Variants in TCEA1 observed in about 807,000 individuals in gnomAD.
The protein encoded by TCEA1 is transcription elongation factor A protein 1.
A neutral mutation model predicts 43.8 loss-of-function variants in TCEA1; 21 were observed. The observed-to-expected ratio is 0.48, with a 90% CI of 0.34 to 0.69. TCEA1 has a LOEUF of 0.69. TCEA1 is among the 30% of genes least tolerant of loss of function. The pLI is 0.01. For synonymous variants in TCEA1, 104 were observed against 117.5 expected (o/e 0.88, Z 0.75); for missense variants, 250 against 365.1 (o/e 0.68, Z 2.57).
At chr8:53,970,336 G>C (rs933835091) in intron 9 of TCEA1, 56 bp downstream of exon 9, 4 of 1,211,184 alleles carry the variant, frequency 3.3e-6, no homozygotes, top group East Asian at 4.7e-5. Flanking sequence ...GAAAAGACCA[G>C]AAGAAATCTT....
In TCEA1 at chr8:53,984,440, C is replaced by T. The variant is rs1306991920; in HGVS notation, c.601G>A (p.Ala201Thr). Residue 201 changes from alanine to threonine, a missense_variant, in exon 7 of 10, where the codon GCA (alanine) becomes ACA (threonine). By Grantham distance (58) the Ala-to-Thr change is moderately conservative. Coordinates refer to ENST00000521604, the MANE Select transcript of TCEA1 (RefSeq NM_006756.4). ...VRSRISNLKD[A>T]KNPNLRKNVL... ...TTTTTCCTTAAATTTGGATTTTTTG[C>T]ATCTTTAAGATTTGATATCCTACTT... The T allele has an allele frequency of 4.4e-6, 7 of 1,602,284 alleles. No individual in the cohort carries two copies. Among genetic ancestry groups the T allele is most frequent in the African/African-American group, 4.0e-5 (3 of 74,528 alleles).
At chr8:53,986,845 T>C (rs573658377) in intron 6 of TCEA1, 124 bp downstream of exon 6, 7 of 678,916 alleles carry the variant, frequency 1.0e-5, no homozygotes, top group South Asian at 4.0e-5. Context: ...CTCTGTAAAA[T>C]GGGATGAGAG....
intron 2 of TCEA1, among the ~76,000 whole-genome samples, chr8:54,001,926 G>A (rs1462749239): frequency 4.0e-5 from 6 of 151,442 alleles, no homozygotes; most frequent in African/African-American, 7.3e-5. Context: ...GGCGGCTCAC[G>A]AAGTCAGGAG....
chr8:54,013,476 C>A (rs1247245618), intron 1 of TCEA1, among the ~76,000 whole-genome samples: 1 of 151,912 alleles, frequency 6.6e-6, no homozygotes, highest in Non-Finnish European at 1.5e-5. Flanking sequence ...CTCAGGAGTT[C>A]GAGACCAGCC....
chr8:54,021,878 G>A (rs568736806), intron 1 of TCEA1, 185 bp downstream of exon 1: 11 of 440,818 alleles, frequency 2.5e-5, no homozygotes, highest in South Asian at 1.8e-4. Context: ...GGGTCCTAAC[G>A]CAGGTTGCCG....
chr8:54,012,387 C>T (rs1335175602), intron 1 of TCEA1, among the ~76,000 whole-genome samples: 3 of 152,124 alleles, frequency 2.0e-5, no homozygotes, highest in Non-Finnish European at 4.4e-5. Context: ...TAGTGAAACC[C>T]TGTCTCTACT....
chr8:53,982,979 T>C (rs985591508), intron 7 of TCEA1, among the ~76,000 whole-genome samples: 6 of 152,222 alleles, frequency 3.9e-5, no homozygotes, highest in African/African-American at 1.4e-4. Context: ...TCATGAATAT[T>C]TGCTCCATCA....
intron 9 of TCEA1, among the ~76,000 whole-genome samples, chr8:53,968,938 A>C (rs984827800): frequency 6.6e-6 from 1 of 152,174 alleles, no homozygotes; most frequent in African/African-American, 2.4e-5. Context: ...GTTTCAAACC[A>C]TGAAGACACT....
chr8:53,993,654 A>G lies in TCEA1; in HGVS notation c.320+14T>C, dbSNP rs1189989876. The G allele has an allele frequency of 5.0e-6, 8 of 1,599,186 alleles. No homozygotes were observed. Among genetic ancestry groups the G allele is most frequent in the South Asian group, 2.2e-5 (2 of 89,604 alleles). ...TGACTTTCAATATAAATATATGTCT[A>G]TACTGTGAAGTACCTTTCTTCTCTT... On this transcript the variant is annotated intron_variant, in intron 4 of 9. Transcript: ENST00000521604.
At chr8:53,988,035 A>T in intron 5 of TCEA1, 79 bp downstream of exon 5, 1 of 1,528,068 alleles carries the variant, frequency 6.5e-7, no homozygotes. Context: ...ACACTCATCA[A>T]ACAGCAATAT....
chr8:53,975,981 C>G (rs954655834), intron 8 of TCEA1, among the ~76,000 whole-genome samples: 1 of 152,018 alleles, frequency 6.6e-6, no homozygotes, highest in Non-Finnish European at 1.5e-5. Flanking sequence ...TTAATCTATA[C>G]AAGATTATAA....
At chr8:54,012,545 C>A (rs1042120855) in intron 1 of TCEA1, among the ~76,000 whole-genome samples, 1 of 151,926 alleles carries the variant, frequency 6.6e-6, no homozygotes, top group Non-Finnish European at 1.5e-5. Context: ...GGCGACAGAG[C>A]GAGACTCCGT....
chr8:54,015,231 G>A (rs1338433538), intron 1 of TCEA1, among the ~76,000 whole-genome samples: 3 of 151,120 alleles, frequency 2.0e-5, no homozygotes, highest in South Asian at 2.1e-4. Context: ...GTGCAGTGGC[G>A]TGATCTCAGT....
At position 53,978,938 on chromosome 8, in the gene TCEA1, T is replaced by C. The variant is rs537105426; in HGVS notation, c.825+87A>G. The C allele has an allele frequency of 9.2e-5, 132 of 1,427,112 alleles. No individual in the cohort carries two copies. The African/African-American group carries it at 1.1e-3, about 12-fold the overall frequency. The allele number at this position is 1,427,112 out of a possible 1,614,324, so 88.4% of individuals were successfully genotyped here. On this transcript the variant is annotated intron_variant, in intron 8 of 9. Transcript: ENST00000521604. The stretch of plus-strand genomic sequence containing the variant: ...TCCATGGATAAGTGAGGGACTATCA[T>C]ACTGGTAATTATCTTTGCTATTTAT...
chr8:53,986,027 A>C (rs368186716), intron 6 of TCEA1, among the ~76,000 whole-genome samples: 266 of 152,342 alleles, frequency 1.7e-3, no homozygotes, highest in Middle Eastern at 0.01. Context: ...AAAACAATAC[A>C]ATCAAGATAA....
Position 54,022,367 on chromosome 8 carries a change from T to G in TCEA1, c.-242A>C. 1.8e-6 allele frequency: 1 copy of G among 553,108 alleles called. No individual in the cohort carries two copies. The allele number at this position is 553,108 out of a possible 1,614,324, so 34.3% of individuals were successfully genotyped here. ...CGCGCGACGTGCAGGCGCTACCAAC[T>G]GACTGCAGATCGCTGGTGAGGGGCG... is the stretch of plus-strand genomic sequence containing the variant. On this transcript the variant is annotated 5_prime_UTR_variant, in exon 1 of 10. Coordinates refer to ENST00000521604, the MANE Select transcript of TCEA1 (RefSeq NM_006756.4).
intron 1 of TCEA1, among the ~76,000 whole-genome samples, chr8:54,017,310 AG>A (rs1278616075): frequency 3.3e-5 from 5 of 152,224 alleles, no homozygotes; most frequent in Middle Eastern, 3.2e-3. Context: ...TAAACTGCAC[AG>A]ATTCACCTGA....
intron 6 of TCEA1, among the ~76,000 whole-genome samples, chr8:53,985,739 G>C (rs189984883): frequency 4.5e-4 from 69 of 152,192 alleles, no homozygotes; most frequent in African/African-American, 1.6e-3. Flanking sequence ...CCCTCTCCTG[G>C]AGCCCTTTCC....
intron 2 of TCEA1, among the ~76,000 whole-genome samples, chr8:54,007,876 T>C (rs1233658448): frequency 1.3e-5 from 2 of 152,186 alleles, no homozygotes; most frequent in African/African-American, 4.8e-5. Context: ...ATCAAAGTTT[T>C]ATTTTTATAT....
Sources: allele counts gnomAD v4.1 joint callset (sites outside exome capture counted in the v4.1 genomes callset), GRCh38; gene constraint gnomAD v4.1.1; transcripts MANE v1.5; gene names NCBI Gene and HGNC (gene_info 2026-07-23, HGNC 2026-07-21).